The following HDGF variants were observed in gnomAD, a reference collection of about 807,000 sequenced individuals.
HDGF encodes heparin binding growth factor, also known as hepatoma-derived growth factor.
Under a neutral mutation model 30.0 loss-of-function variants are expected in HDGF, and 5 were observed. The observed-to-expected ratio is 0.17, with a 90% CI of 0.09 to 0.35. The LOEUF (loss-of-function observed/expected upper bound fraction) is 0.35. HDGF is among the 10% of genes least tolerant of loss of function. The pLI is 1.00. For missense variants in HDGF, 214 were observed against 302.8 expected (o/e 0.71, Z 2.18); for synonymous variants, 133 against 112.7 (o/e 1.18, Z -1.14).
intron 1 of HDGF, among the ~76,000 whole-genome samples, chr1:156,750,935 AG>A (rs1398280326): frequency 3.6e-5 from 5 of 137,288 alleles, no homozygotes; most frequent in South Asian, 2.3e-4. Flanking sequence ...GGGGTCTCTA[AG>A]GGGGTCTTAA....
rs527690856 is a variant in HDGF, at chr1:156,750,477, T to TG, written c.87+865dup. 2.8e-4 allele frequency: 43 copies of TG among 151,782 alleles called. 1 individual carries two copies. Among genetic ancestry groups the TG allele is most frequent in the Middle Eastern group, 3.4e-3 (1 of 296 alleles). The allele number at this position is 151,782 out of a possible 1,614,324, so 9.4% of individuals were successfully genotyped here. A position where few individuals can be genotyped will look rare whatever the true frequency, so the allele number is the denominator to read the frequency against. On this transcript the variant is annotated intron_variant, in intron 1 of 5. Coordinates refer to ENST00000357325, the MANE Select transcript of HDGF (RefSeq NM_004494.3). ...CCCACCTGGCCAGGTGCTGGGGTTG[T>TG]GGGGGGGGCTCATACTGGCTGGCTG...
upstream of HDGF, among the ~76,000 whole-genome samples, chr1:156,767,130 T>G (rs1039550012): frequency 3.9e-5 from 6 of 152,130 alleles, no homozygotes; most frequent in African/African-American, 1.4e-4. Flanking sequence ...TTTTCCTCAA[T>G]CCGCCAGCTT....
At chr1:156,754,772 C>T (rs1651127742), upstream of HDGF, among the ~76,000 whole-genome samples, 1 of 152,078 alleles carries the variant, frequency 6.6e-6, no homozygotes, top group Non-Finnish European at 1.5e-5. Flanking sequence ...GGTAAAACCC[C>T]GTCTCTACTA....
intron 2 of HDGF, 23 bp downstream of exon 2, chr1:156,745,274 A>G (rs1282119478): frequency 4.3e-6 from 7 of 1,612,494 alleles, no homozygotes; most frequent in African/African-American, 2.7e-5. Context: ...CTCCCGACCT[A>G]TACCCCTTTG....
At chr1:156,756,469 GA>G (rs2102736475), upstream of HDGF, among the ~76,000 whole-genome samples, 1 of 152,336 alleles carries the variant, frequency 6.6e-6, no homozygotes, top group South Asian at 2.1e-4. Flanking sequence ...GTTTAGGATG[GA>G]GTTGGGAGTC....
rs4399146 is a variant in HDGF at position 156,743,766 on chromosome 1, G to T, written c.602C>A (p.Pro201His). 2 of 1,599,438 alleles carry T rather than the reference G, an allele frequency of 1.3e-6. No homozygotes were observed. Among genetic ancestry groups the T allele is most frequent in the Middle Eastern group, 1.7e-4 (1 of 5,928 alleles). ...CCCCCGGCCAGAGCCGGGCTCAGAG[G>T]GGGTGCTATTCTTTTCCACCTCCAT... ...LPMEVEKNST[P>H]SEPGSGRGPP... Residue 201 changes from proline (P) to histidine (H), a missense_variant, in exon 5 of 6, where the codon CCC becomes CAC. Physicochemically the swap from Pro to His is moderately conservative, Grantham distance 77. Around this residue, in one of 2 missense-constraint regions of HDGF, gnomAD observed 176 missense variants for 211.7 expected, o/e 0.83. Coordinates refer to ENST00000357325, the MANE Select transcript of HDGF (RefSeq NM_004494.3).
chr1:156,761,844 G>A (rs533156447), intron 1 of HDGF, among the ~76,000 whole-genome samples: 49 of 149,570 alleles, frequency 3.3e-4, no homozygotes, highest in Non-Finnish European at 5.8e-4. Context: ...CTACTCGGGA[G>A]GCTGAGGCAG....
chr1:156,744,031 C>G lies in HDGF; in HGVS notation c.489+132G>C. On this transcript the variant is annotated intron_variant, in intron 4 of 5. Transcript: ENST00000357325. ...TGCCTTCTGTGTCCCATCTGGTCAG[C>G]TGGGGACTCCCCAAGACTAGGGGCT... 3 of 1,093,012 alleles carry G rather than the reference C, an allele frequency of 2.7e-6. No individual in the cohort carries two copies. In the South Asian group the frequency reaches 3.8e-5, roughly 14 times the overall value. The allele number at this position is 1,093,012 out of a possible 1,614,324, so 67.7% of individuals were successfully genotyped here. A position where few individuals can be genotyped will look rare whatever the true frequency, so the allele number is the denominator to read the frequency against.
Position 156,751,207 on chromosome 1 carries a change from G to A in HDGF, c.87+136C>T. On this transcript the variant is annotated intron_variant, in intron 1 of 5. Transcript: ENST00000357325. The surrounding 1 kb of genome is among the most constrained non-coding windows in gnomAD (Gnocchi z 4.7). ...ATAACCGGCGGGTGGGCTTGGAAGCGACAGAGAAAGAGCCGGAGACCTACA... is the reference window on the plus strand; with the variant it reads ...ATAACCGGCGGGTGGGCTTGGAAGCAACAGAGAAAGAGCCGGAGACCTACA... 1 of 1,178,038 alleles carries A rather than the reference G, an allele frequency of 8.5e-7. No homozygotes were observed. Among genetic ancestry groups the A allele is most frequent in the Non-Finnish European group, 1.1e-6 (1 of 914,908 alleles). 73.0% of individuals were successfully genotyped at this position (1,178,038 alleles called of 1,614,324 possible).
At chr1:156,751,901 A>C (rs1023084401), upstream of HDGF, 365 of 1,007,016 alleles carry the variant, frequency 3.6e-4, no homozygotes, top group Non-Finnish European at 4.9e-4. This position sits in a 1 kb window ranked among gnomAD's most constrained non-coding sequence, Gnocchi z 4.7. Context: ...CGGCACAGGC[A>C]TAAGGAGCCG....
chr1:156,754,535 G>A (rs1571559754), upstream of HDGF, among the ~76,000 whole-genome samples: 1 of 152,356 alleles, frequency 6.6e-6, no homozygotes, highest in South Asian at 2.1e-4. Context: ...AAGAGCTGCA[G>A]AAGGTCAGTT....
At chr1:156,765,472 C>CTTTTTTTTTTTTTTTTTTTTTT (rs71080793) in intron 1 of HDGF, among the ~76,000 whole-genome samples, 1 of 85,982 alleles carries the variant, frequency 1.2e-5, no homozygotes, top group Non-Finnish European at 2.1e-5. Context: ...TTCTTTCTTT[C>CTTTTTTTTTTTTTTTTTTTTTT]TTTTTTTTTT....
intron 1 of HDGF, among the ~76,000 whole-genome samples, chr1:156,766,351 T>C (rs1416851931): frequency 6.6e-6 from 1 of 152,182 alleles, no homozygotes; most frequent in Non-Finnish European, 1.5e-5. Flanking sequence ...CAGAATTTTC[T>C]GCAATCTGGG....
chr1:156,751,776 C>T, upstream of HDGF: 1 of 1,175,296 alleles, frequency 8.5e-7, no homozygotes, highest in South Asian at 2.8e-5. The surrounding 1 kb of genome is among the most constrained non-coding windows in gnomAD (Gnocchi z 4.7). Context: ...CCTCCTCCTC[C>T]CCCCGCCCCC....
upstream of HDGF, chr1:156,752,337 C>T: frequency 1.3e-6 from 2 of 1,551,734 alleles, no homozygotes; most frequent in South Asian, 1.2e-5. Flanking sequence ...GGAGTTGAGG[C>T]ACAAATTGGC....
intron 1 of HDGF, among the ~76,000 whole-genome samples, chr1:156,760,352 G>A (rs534846152): frequency 4.6e-5 from 7 of 152,268 alleles, no homozygotes; most frequent in Non-Finnish European, 8.8e-5. Context: ...GGTGAGGGGG[G>A]GCCAAGTCCT....
At chr1:156,745,494 G>A in intron 1 of HDGF, 121 bp from the exon 2 acceptor site, 7 of 777,340 alleles carry the variant, frequency 9.0e-6, no homozygotes, top group Non-Finnish European at 1.0e-5. Flanking sequence ...AGGATAGTCA[G>A]CAAGATGGCT....
intron 3 of HDGF, chr1:156,744,650 C>G: frequency 1.2e-6 from 1 of 852,948 alleles, no homozygotes; most frequent in Non-Finnish European, 1.6e-6. Context: ...CCGCCCCCCA[C>G]CCTCCCGCCT....
chr1:156,762,223 C>T (rs1423637840), intron 1 of HDGF, among the ~76,000 whole-genome samples: 1 of 150,098 alleles, frequency 6.7e-6, no homozygotes, highest in Non-Finnish European at 1.5e-5. Flanking sequence ...AAACAAACAA[C>T]ATGAACAACA....
Sources: gnomAD v4.1 joint callset for allele counts (sites outside exome capture counted in the v4.1 genomes callset) on GRCh38, gnomAD v4.1.1 for gene constraint, gnomAD v4.1.1 regional missense constraint, Gnocchi (gnomAD v3.1) non-coding constraint, MANE v1.5 for transcripts, NCBI Gene and HGNC (gene_info 2026-07-23, HGNC 2026-07-21) for gene names.